The following BRINP1 variants were observed in gnomAD, a reference collection of about 807,000 sequenced individuals.
The protein encoded by BRINP1 is BMP/retinoic acid inducible neural specific 1.
In BRINP1, 17 loss-of-function variants were observed where a neutral mutation model predicts 72.9. The observed-to-expected ratio is 0.23, with a 90% CI of 0.16 to 0.35. The LOEUF (loss-of-function observed/expected upper bound fraction) is 0.35, where lower values mean the gene tolerates loss of function less well. BRINP1 is among the 10% of genes least tolerant of loss of function. The pLI is 1.00. For missense variants in BRINP1, 850 were observed against 1,001.6 expected (o/e 0.85, Z 2.04); for synonymous variants, 418 against 378.5 (o/e 1.10, Z -1.21).
intron 7 of BRINP1, among the ~76,000 whole-genome samples, chr9:119,185,833 C>T (rs775107776): frequency 6.6e-6 from 1 of 152,182 alleles, no homozygotes; most frequent in African/African-American, 2.4e-5. Context: ...CACGTTGTAT[C>T]CCACTCCCGA....
At chr9:119,297,795 A>G (rs1394058527) in intron 2 of BRINP1, among the ~76,000 whole-genome samples, 2 of 151,632 alleles carry the variant, frequency 1.3e-5, no homozygotes, top group Admixed American at 6.6e-5. Flanking sequence ...GGTCTTTAGT[A>G]TTATTTTCCT....
chr9:119,259,208 T>C (rs575252854), intron 2 of BRINP1, among the ~76,000 whole-genome samples: 2 of 152,300 alleles, frequency 1.3e-5, no homozygotes, highest in East Asian at 3.9e-4. Flanking sequence ...TGGCTCTGAA[T>C]CCTACAATAA....
intron 2 of BRINP1, among the ~76,000 whole-genome samples, chr9:119,308,973 GA>G (rs34551014): frequency 0.39 from 57,401 of 146,416 alleles, 11,570 homozygotes; most frequent in Non-Finnish European, 0.45. Context: ...TCACAGTTAG[GA>G]AAAAAAAAAA....
intron 1 of BRINP1, among the ~76,000 whole-genome samples, chr9:119,318,006 G>A (rs1831143658): frequency 6.6e-6 from 1 of 152,192 alleles, no homozygotes; most frequent in Admixed American, 6.5e-5. Context: ...TCAATTTATT[G>A]CAATATTTGC....
chr9:119,172,830 C>T (rs557952343), intron 7 of BRINP1, among the ~76,000 whole-genome samples: 32 of 152,010 alleles, frequency 2.1e-4, no homozygotes, highest in African/African-American at 3.6e-4. Flanking sequence ...GTTCAATATA[C>T]GCAAATCAAT....
chr9:119,244,753 A>G (rs745438764), intron 3 of BRINP1, among the ~76,000 whole-genome samples: 45 of 152,150 alleles, frequency 3.0e-4, no homozygotes, highest in Non-Finnish European at 5.1e-4. Context: ...GTTTATTAAG[A>G]GAATGTTCTG....
chr9:119,186,006 G>A (rs1474477604), intron 7 of BRINP1, among the ~76,000 whole-genome samples: 5 of 152,182 alleles, frequency 3.3e-5, no homozygotes, highest in Admixed American at 6.5e-5. Context: ...CCCCAGCCAA[G>A]CTGCTGCAGT....
chr9:119,366,503 CGTGT>C (rs3983901), intron 1 of BRINP1, among the ~76,000 whole-genome samples: 6,537 of 136,198 alleles, frequency 0.048, 627 homozygotes, highest in Non-Finnish European at 0.049. Flanking sequence ...CCCCCACCAC[CGTGT>C]GTGTGTGTGT....
At chr9:119,254,264 T>C (rs550478504) in intron 2 of BRINP1, among the ~76,000 whole-genome samples, 3 of 152,256 alleles carry the variant, frequency 2.0e-5, no homozygotes, top group South Asian at 4.1e-4. Flanking sequence ...ATAAGTGTTA[T>C]AAAGACAAAT....
At chr9:119,184,088 GAGAAAA>G (rs1172133460) in intron 7 of BRINP1, among the ~76,000 whole-genome samples, 2 of 152,128 alleles carry the variant, frequency 1.3e-5, no homozygotes, top group South Asian at 2.1e-4. Context: ...CACAGGGGGG[GAGAAAA>G]AAAGAAAAAA....
chr9:119,362,294 TG>T (rs1831643319), intron 1 of BRINP1, among the ~76,000 whole-genome samples: 1 of 152,126 alleles, frequency 6.6e-6, no homozygotes, highest in Non-Finnish European at 1.5e-5. Context: ...GTGCTCTTAT[TG>T]TATAATATTC....
At chr9:119,308,345 G>A (rs1436693398) in intron 2 of BRINP1, among the ~76,000 whole-genome samples, 1 of 152,168 alleles carries the variant, frequency 6.6e-6, no homozygotes, top group Non-Finnish European at 1.5e-5. Context: ...CTTCTTTCAA[G>A]TTCAAACACA....
chr9:119,280,846 T>C (rs2118961975), intron 2 of BRINP1, among the ~76,000 whole-genome samples: 1 of 152,330 alleles, frequency 6.6e-6, no homozygotes, highest in Middle Eastern at 3.4e-3. Flanking sequence ...GTGAGATTTA[T>C]TTAATTCTGA....
At chr9:119,175,509 T>TTAGAG (rs748839212) in intron 7 of BRINP1, among the ~76,000 whole-genome samples, 3 of 151,936 alleles carry the variant, frequency 2.0e-5, no homozygotes, top group Non-Finnish European at 4.4e-5. Flanking sequence ...ATCCCAAAAC[T>TTAGAG]TAGAGTATAA....
At chr9:119,260,074 AG>A in intron 2 of BRINP1, among the ~76,000 whole-genome samples, 1 of 152,320 alleles carries the variant, frequency 6.6e-6, no homozygotes, top group South Asian at 2.1e-4. Context: ...AAACTAGTTA[AG>A]AAATATCCTT....
chr9:119,355,072 C>T (rs1831547147), intron 1 of BRINP1, among the ~76,000 whole-genome samples: 1 of 152,192 alleles, frequency 6.6e-6, no homozygotes, highest in African/African-American at 2.4e-5. Flanking sequence ...AAATTGCTCA[C>T]TGATCCCCCA....
At chr9:119,310,022 A>G (rs1054139885) in intron 2 of BRINP1, among the ~76,000 whole-genome samples, 38 of 152,174 alleles carry the variant, frequency 2.5e-4, no homozygotes, top group African/African-American at 9.2e-4. Context: ...CTAAATCTCT[A>G]GACTCCAGAC....
chr9:119,249,805 TGGAAGGAAGGAAGGAA>T (rs1348208106), intron 2 of BRINP1, among the ~76,000 whole-genome samples: 5 of 31,558 alleles, frequency 1.6e-4, no homozygotes, highest in Non-Finnish European at 2.7e-4. Flanking sequence ...AATAAACAAA[TGGAAGGAAGGAAGGAA>T]GGAAGGAAGG....
At position 119,167,632 on chromosome 9, in the gene BRINP1, C is replaced by G; in HGVS notation, c.1738G>C (p.Gly580Arg). Residue 580 changes from glycine (G) to arginine (R), a missense_variant, in exon 8 of 8, where the codon GGG (glycine) becomes CGG (arginine). Gly to Arg is a moderately radical substitution (Grantham distance 125). Coordinates refer to ENST00000265922, the MANE Select transcript of BRINP1 (RefSeq NM_014618.3). The surrounding 1 kb of genome is among the most constrained non-coding windows in gnomAD (Gnocchi z 4.3). The stretch of plus-strand genomic sequence containing the variant: ...TCCCAGCGTGGGTAGCCAAATTCCC[C>G]GAAGGGCATGTTCCAGCCCTCCGAA... Reference protein sequence around the residue: ...SHSEGWNMPFGEFGYPRWEKI... With the variant: ...SHSEGWNMPFREFGYPRWEKI... 6.2e-7 allele frequency: 1 copy of G among 1,614,094 alleles called. No individual in the cohort carries two copies. The highest frequency in any genetic ancestry group is 8.5e-7 in the Non-Finnish European group (1 of 1,180,028).
Sources: allele counts gnomAD v4.1 joint callset (sites outside exome capture counted in the v4.1 genomes callset), GRCh38; gene constraint gnomAD v4.1.1; non-coding constraint Gnocchi (gnomAD v3.1); transcripts MANE v1.5; gene names NCBI Gene and HGNC (gene_info 2026-07-23, HGNC 2026-07-21).